Variants in MAP7D2 observed in about 807,000 individuals in gnomAD.
MAP7D2 encodes the protein MAP7 domain-containing protein 2.
MAP7D2 carries 33 observed loss-of-function variants against 63.5 expected under a neutral mutation model. The ratio of observed to expected loss-of-function variants is 0.52; its 90% CI spans 0.39 to 0.70. The LOEUF (loss-of-function observed/expected upper bound fraction) is 0.70. Among genes scored for constraint, MAP7D2 ranks in the 30% least tolerant of loss-of-function variants. The probability of loss-of-function intolerance (pLI) is 0.00; values close to 1 mark genes in which losing one functional copy is unlikely to be tolerated. For missense variants in MAP7D2, 626 were observed against 604.0 expected, an observed-to-expected ratio of 1.04 and a Z score of -0.38; for synonymous variants, 224 against 223.7, an observed-to-expected ratio of 1.00 and a Z score of -0.01.
chrX:20,017,232 T>C (rs2073431221), intron 10 of MAP7D2: 1 of 114,179 alleles, frequency 8.8e-6, no homozygotes. Context: ...AGCTATACTA[T>C]TGTTCTATGG....
At position 20,016,142 on chromosome X, in the gene MAP7D2, T is replaced by G. The variant is rs746650766; in HGVS notation, c.1596A>C (p.Lys532Asn). 5 of 1,205,817 alleles carry G rather than the reference T, an allele frequency of 4.1e-6. No homozygotes were observed. Among genetic ancestry groups the G allele is most frequent in the Non-Finnish European group, 1.1e-6 (1 of 892,063 alleles). The change falls in exon 11 of 17, where the codon AAA becomes AAC. Residue 532 changes from lysine (K) to asparagine (N), a missense_variant. Physicochemically the swap from Lys to Asn is moderately conservative, Grantham distance 94. Transcript: ENST00000379643. ...CTTGTTTTTCTTGTTCTTGCTTTTCTTTCAACAACAGCTCCTCCTCAGCCT... is the reference window on the plus strand; with the variant it reads ...CTTGTTTTTCTTGTTCTTGCTTTTCGTTCAACAACAGCTCCTCCTCAGCCT... Reference protein sequence around the residue: ...KRKAEEELLLKEKQEQEKQEK... With the variant: ...KRKAEEELLLNEKQEQEKQEK...
intron 3 of MAP7D2, among the ~76,000 whole-genome samples, chrX:20,060,709 G>A (rs2065201191): frequency 9.0e-6 from 1 of 110,771 alleles, no homozygotes; most frequent in Non-Finnish European, 1.9e-5. Context: ...TAAGGAGTAG[G>A]TGGCCTCCAG....
intron 8 of MAP7D2, among the ~76,000 whole-genome samples, chrX:20,041,076 G>A (rs1261294984): frequency 8.9e-6 from 1 of 111,789 alleles, no homozygotes; most frequent in Non-Finnish European, 1.9e-5. Context: ...TATCCCTGCA[G>A]GGACCATGAG....
intron 12 of MAP7D2, 34 bp from the exon 13 acceptor site, chrX:20,013,659 A>C: frequency 9.7e-7 from 1 of 1,032,680 alleles, no homozygotes; most frequent in Non-Finnish European, 1.3e-6. Context: ...AAATCAAGTA[A>C]GAGGACAATA....
chrX:20,014,741 G>A (rs1172220972), intron 12 of MAP7D2, among the ~76,000 whole-genome samples: 1 of 111,042 alleles, frequency 9.0e-6, no homozygotes, highest in Non-Finnish European at 1.9e-5. Context: ...TTTGGGACAG[G>A]GTCTCACTCC....
chrX:20,011,197 G>T, intron 15 of MAP7D2, 145 bp from the exon 16 acceptor site: 1 of 584,129 alleles, frequency 1.7e-6, no homozygotes, highest in Non-Finnish European at 2.6e-6. Context: ...GTAACACACT[G>T]TAAAAAATAC....
At chrX:20,084,125 C>T (rs1240300839) in intron 1 of MAP7D2, among the ~76,000 whole-genome samples, 5 of 107,358 alleles carry the variant, frequency 4.7e-5, no homozygotes, top group African/African-American at 1.0e-4. Context: ...CACTTGAACC[C>T]GGGAGGCGGA....
At chrX:20,101,849 G>A (rs2066444930) in intron 1 of MAP7D2, among the ~76,000 whole-genome samples, 1 of 112,503 alleles carries the variant, frequency 8.9e-6, no homozygotes, top group African/African-American at 3.2e-5. Flanking sequence ...ATGGATTGTG[G>A]TGGTGGCTGC....
At chrX:20,047,049 C>T (rs1381638177) in intron 6 of MAP7D2, among the ~76,000 whole-genome samples, 3 of 112,765 alleles carry the variant, frequency 2.7e-5, no homozygotes, top group African/African-American at 3.2e-5. Context: ...GACTATGAGC[C>T]GGCAGGAGTG....
Position 20,044,413 on chromosome X carries a change from C to G in MAP7D2, c.830G>C (p.Gly277Ala), listed in dbSNP as rs190472434. 1.7e-6 allele frequency: 2 copies of G among 1,211,080 alleles called. No individual in the cohort carries two copies. Among genetic ancestry groups the G allele is most frequent in the East Asian group, 5.9e-5 (2 of 33,832 alleles). Residue 277 changes from glycine to alanine, a missense_variant, in exon 7 of 17, where the codon GGT (glycine) becomes GCT (alanine). By Grantham distance (60) the Gly-to-Ala change is moderately conservative. Transcript: ENST00000379643. ...GGCTTCTTTCCCAACATCTCCTGCACCAGATGTAGACGTAGATGTAGCTTT... is the reference window on the plus strand; with the variant it reads ...GGCTTCTTTCCCAACATCTCCTGCAGCAGATGTAGACGTAGATGTAGCTTT... The part of the protein sequence containing the change: ...KKKATSTSTS[G>A]AGDVGKEALS...
intron 5 of MAP7D2, among the ~76,000 whole-genome samples, chrX:20,051,356 C>G (rs1297643252): frequency 9.0e-6 from 1 of 111,010 alleles, no homozygotes; most frequent in Non-Finnish European, 1.9e-5. Context: ...TTGAGACCAC[C>G]CTGGGCAACG....
intron 1 of MAP7D2, among the ~76,000 whole-genome samples, chrX:20,070,424 A>G (rs1466278198): frequency 3.6e-5 from 4 of 110,615 alleles, no homozygotes; most frequent in Non-Finnish European, 7.5e-5. Context: ...CACCCAGCCT[A>G]TAATATTTCT....
At chrX:20,100,163 T>C (rs972298656) in intron 1 of MAP7D2, among the ~76,000 whole-genome samples, 1 of 112,211 alleles carries the variant, frequency 8.9e-6, no homozygotes, top group Admixed American at 9.5e-5. Flanking sequence ...TGGTGCTTAG[T>C]TTGGCTAAGA....
At chrX:20,116,445 C>T (rs1415951887) in intron 1 of MAP7D2, 1 of 475,011 alleles carries the variant, frequency 2.1e-6, no homozygotes, top group African/African-American at 2.6e-5. Context: ...AGGACGGGGA[C>T]TGGACCCGCA....
At chrX:20,030,325 T>C (rs993830636) in intron 8 of MAP7D2, among the ~76,000 whole-genome samples, 1 of 112,050 alleles carries the variant, frequency 8.9e-6, no homozygotes, top group Non-Finnish European at 1.9e-5. Context: ...CTCAAGGCAT[T>C]TGTTCATTGT....
At chrX:20,022,177 G>C (rs934503628) in intron 10 of MAP7D2, among the ~76,000 whole-genome samples, 3 of 111,897 alleles carry the variant, frequency 2.7e-5, no homozygotes, top group African/African-American at 9.8e-5. Flanking sequence ...GTGTCTGGCA[G>C]GAAGGAGCAC....
intron 4 of MAP7D2, chrX:20,055,738 G>C (rs766957204): frequency 7.1e-6 from 7 of 989,903 alleles, no homozygotes; most frequent in Non-Finnish European, 9.2e-6. Context: ...ATATACCGTT[G>C]GTGGACTCGG....
At chrX:20,008,779 A>G (rs1030735776) in intron 16 of MAP7D2, among the ~76,000 whole-genome samples, 5 of 111,937 alleles carry the variant, frequency 4.5e-5, no homozygotes, top group Non-Finnish European at 7.5e-5. Flanking sequence ...AACTAGACCC[A>G]ATCATAATTA....
At chrX:20,012,217 G>A in intron 15 of MAP7D2, 132 bp downstream of exon 15, 2 of 469,704 alleles carry the variant, frequency 4.3e-6, no homozygotes, top group Admixed American at 3.7e-5. Flanking sequence ...TTATACCACT[G>A]AGAGCTTTCC....
Sources: gnomAD v4.1 joint callset for allele counts (sites outside exome capture counted in the v4.1 genomes callset) on GRCh38, gnomAD v4.1.1 for gene constraint, MANE v1.5 for transcripts, NCBI Gene and HGNC (gene_info 2026-07-23, HGNC 2026-07-21) for gene names.